The following AKAP13 variants were observed in gnomAD, a reference collection of about 807,000 sequenced individuals.
The protein encoded by AKAP13 is A-kinase anchoring protein 13.
In AKAP13, 80 loss-of-function variants were observed where a neutral mutation model predicts 264.5. That is an observed-to-expected ratio of 0.30 (90% confidence interval 0.25 to 0.36). AKAP13 has a LOEUF of 0.36. AKAP13 is among the 10% of genes least tolerant of loss of function. The pLI, the probability that AKAP13 is intolerant of heterozygous loss-of-function variation, is 1.00. For missense variants in AKAP13, 3,712 were observed against 3,435.2 expected (o/e 1.08, Z -2.01); for synonymous variants, 1,380 against 1,250.2 (o/e 1.10, Z -2.19).
At chr15:85,701,570 G>A (rs186003859) in intron 17 of AKAP13, among the ~76,000 whole-genome samples, 1 of 152,078 alleles carries the variant, frequency 6.6e-6, no homozygotes, top group Admixed American at 6.5e-5. Context: ...CTCCCAAGTA[G>A]CTGGGACTAC....
intron 8 of AKAP13, among the ~76,000 whole-genome samples, chr15:85,615,225 A>G (rs965509784): frequency 1.3e-5 from 2 of 152,238 alleles, no homozygotes; most frequent in African/African-American, 2.4e-5. Flanking sequence ...TCTTGCAAAG[A>G]TAGTAAAGGG....
chr15:85,609,433 A>G (rs115493089), intron 8 of AKAP13, among the ~76,000 whole-genome samples: 106 of 152,342 alleles, frequency 7.0e-4, no homozygotes, highest in African/African-American at 2.3e-3. Flanking sequence ...CCATCTTGCC[A>G]TAAATAACAG....
At chr15:85,465,244 G>A (rs1409425964) in intron 1 of AKAP13, among the ~76,000 whole-genome samples, 2 of 151,802 alleles carry the variant, frequency 1.3e-5, no homozygotes, top group African/African-American at 2.4e-5. Flanking sequence ...GAGCCACCAC[G>A]CCCGGCCAGG....
rs1188524532 is a variant in AKAP13, at chr15:85,411,524, G to A, written c.-12+30726G>A. On this transcript the variant is annotated intron_variant, in intron 1 of 36. Coordinates refer to ENST00000394518, the MANE Select transcript of AKAP13 (RefSeq NM_007200.5). ...ACGATCTCGGCTCACTGCAAGCTCC[G>A]CTTCCCGGGTTCACGCCATTCTCCT... Among the ~76,000 whole-genome samples the A allele has an allele frequency of 3.3e-5, 5 of 152,062 alleles. No individual in the cohort carries two copies. In the East Asian group the frequency reaches 9.7e-4, roughly 29 times the overall value.
At chr15:85,646,676 C>G (rs2082573898) in intron 10 of AKAP13, among the ~76,000 whole-genome samples, 1 of 152,162 alleles carries the variant, frequency 6.6e-6, no homozygotes, top group Non-Finnish European at 1.5e-5. Flanking sequence ...AGGCCTGAAG[C>G]TTCCTGCTGA....
intron 1 of AKAP13, among the ~76,000 whole-genome samples, chr15:85,388,069 C>CT (rs751926526): frequency 1.3e-5 from 2 of 149,018 alleles, no homozygotes; most frequent in Admixed American, 6.7e-5. Flanking sequence ...GAGACTCGCT[C>CT]TGTCACCCAG....
At chr15:85,646,070 T>G (rs1228587117) in intron 10 of AKAP13, 116 bp downstream of exon 10, 50 of 1,291,658 alleles carry the variant, frequency 3.9e-5, no homozygotes, top group Non-Finnish European at 5.2e-5. Flanking sequence ...TCCCTAAATA[T>G]GTAACTCCTG....
At chr15:85,470,176 C>A (rs1302166900) in intron 1 of AKAP13, among the ~76,000 whole-genome samples, 4 of 152,144 alleles carry the variant, frequency 2.6e-5, no homozygotes, top group Non-Finnish European at 5.9e-5. Context: ...GTAATCCCAG[C>A]TACTCGGGAG....
intron 5 of AKAP13, among the ~76,000 whole-genome samples, chr15:85,570,717 T>C (rs1470483137): frequency 6.6e-6 from 1 of 152,176 alleles, no homozygotes; most frequent in Non-Finnish European, 1.5e-5. Context: ...CTCCAGTTAT[T>C]GTCAAATGTC....
At chr15:85,548,062 A>G in intron 5 of AKAP13, among the ~76,000 whole-genome samples, 1 of 152,202 alleles carries the variant, frequency 6.6e-6, no homozygotes, top group East Asian at 1.9e-4. Flanking sequence ...TTAGAGCCAG[A>G]TGTTATTGGA....
intron 16 of AKAP13, among the ~76,000 whole-genome samples, chr15:85,687,440 A>G (rs140393704): frequency 2.3e-4 from 35 of 152,338 alleles, no homozygotes; most frequent in African/African-American, 8.2e-4. Context: ...AACTTTTAGT[A>G]TCAGTTGACC....
chr15:85,554,570 G>C (rs2078072210), intron 5 of AKAP13, among the ~76,000 whole-genome samples: 2 of 152,018 alleles, frequency 1.3e-5, no homozygotes, highest in Non-Finnish European at 1.5e-5. Context: ...CCACAAGCAG[G>C]CTTCCCTTAC....
rs952554520 is a variant in AKAP13, at chr15:85,747,394, T to C, written c.*2717T>C. On this transcript the variant is annotated 3_prime_UTR_variant, in exon 37 of 37. Coordinates refer to ENST00000394518, the MANE Select transcript of AKAP13 (RefSeq NM_007200.5). ...TCTATCACATGAGAAGGGGTTGTTT[T>C]TTTGGGGTGACTCGGACTGAATTCC... 3 of 152,388 alleles carry C rather than the reference T, an allele frequency of 2.0e-5. No individual in the cohort carries two copies. The highest frequency in any genetic ancestry group is 6.5e-5 in the Admixed American group (1 of 15,280). The allele number at this position is 152,388 out of a possible 1,614,324, so 9.4% of individuals were successfully genotyped here. A position where few individuals can be genotyped will look rare whatever the true frequency, so the allele number is the denominator to read the frequency against.
In AKAP13 at chr15:85,659,390, T is replaced by C. The variant is rs367962053; in HGVS notation, c.4799+800T>C. The stretch of plus-strand genomic sequence containing the variant: ...TTTTTAACTATTAGCTGAACCTGTT[T>C]GTTGGCAAGTGGGCAAATAGTGATC... On this transcript the variant is annotated intron_variant, in intron 12 of 36. Coordinates refer to ENST00000394518, the MANE Select transcript of AKAP13 (RefSeq NM_007200.5). Among the ~76,000 whole-genome samples, 9 of 152,290 alleles carry C rather than the reference T, an allele frequency of 5.9e-5. No homozygotes were observed. The East Asian group carries it at 1.3e-3, about 23-fold the overall frequency.
intron 16 of AKAP13, among the ~76,000 whole-genome samples, chr15:85,689,569 C>G (rs1389818671): frequency 6.6e-6 from 1 of 152,190 alleles, no homozygotes; most frequent in Admixed American, 6.5e-5. Flanking sequence ...ATGGAAAAGT[C>G]AAACTTCAGA....
intron 5 of AKAP13, chr15:85,555,530 C>T: frequency 2.5e-6 from 3 of 1,191,860 alleles, no homozygotes; most frequent in Non-Finnish European, 3.3e-6. Flanking sequence ...TGTTAATCTT[C>T]ATTGTTTATT....
intron 8 of AKAP13, among the ~76,000 whole-genome samples, chr15:85,613,713 T>TATGTATGTATATATATATATATATA (rs1254657975): frequency 9.0e-6 from 1 of 110,982 alleles, no homozygotes; most frequent in African/African-American, 3.4e-5. Flanking sequence ...TATATATATA[T>TATGTATGTATATATATATATATATA]TAGGAGTGCT....
chr15:85,496,895 A>AT (rs749885963), intron 2 of AKAP13, among the ~76,000 whole-genome samples: 1 of 152,238 alleles, frequency 6.6e-6, no homozygotes, highest in African/African-American at 2.4e-5. Flanking sequence ...CAGAGCAGGA[A>AT]TTTCAGTTTC....
chr15:85,427,498 AGTTT>A (rs1231709631), intron 1 of AKAP13, among the ~76,000 whole-genome samples: 3 of 152,064 alleles, frequency 2.0e-5, no homozygotes, highest in Non-Finnish European at 4.4e-5. Flanking sequence ...CCTCTAGGCA[AGTTT>A]GTAGTTGTGT....
Sources: allele counts gnomAD v4.1 joint callset (sites outside exome capture counted in the v4.1 genomes callset), GRCh38; gene constraint gnomAD v4.1.1; transcripts MANE v1.5; gene names NCBI Gene and HGNC (gene_info 2026-07-23, HGNC 2026-07-21).